The following EPS8L1 variants were observed in gnomAD, a reference collection of about 807,000 sequenced individuals.
EPS8L1 encodes the protein epidermal growth factor receptor kinase substrate 8-like protein 1.
In EPS8L1, 101 loss-of-function variants were observed where a neutral mutation model predicts 91.7. The ratio of observed to expected loss-of-function variants is 1.10; its 90% CI spans 0.94 to 1.30. EPS8L1 has a LOEUF of 1.30. Ranked by LOEUF, EPS8L1 falls within the 50% of genes most tolerant of loss-of-function variation. The probability of loss-of-function intolerance (pLI) is 0.00; values close to 1 mark genes in which losing one functional copy is unlikely to be tolerated. For missense variants in EPS8L1, 1,114 were observed against 1,017.0 expected (o/e 1.10, Z -1.30); for synonymous variants, 506 against 445.3 (o/e 1.14, Z -1.72).
At chr19:55,085,795 T>A (rs1313239905) in intron 14 of EPS8L1, 46 bp from the exon 15 acceptor site, 1 of 1,587,624 alleles carries the variant, frequency 6.3e-7, no homozygotes, top group Non-Finnish European at 8.6e-7. Context: ...CCCAGAGCAA[T>A]GGGGCTGGCT....
At chr19:55,086,637 C>CCCCCCCCCCCCCCCCGGG in intron 17 of EPS8L1, 77 bp from the exon 18 acceptor site, 2 of 1,374,364 alleles carry the variant, frequency 1.5e-6, no homozygotes, top group Non-Finnish European at 1.0e-6. Context: ...GCTGGAGCGC[C>CCCCCCCCCCCCCCCCGGG]CCCCCGCCCC....
intron 12 of EPS8L1, 95 bp downstream of exon 12, chr19:55,082,697 G>C: frequency 8.2e-7 from 1 of 1,220,100 alleles, no homozygotes; most frequent in Non-Finnish European, 1.1e-6. Flanking sequence ...ATAGGACTAG[G>C]AGAGTAGGGA....
In EPS8L1 at chr19:55,083,673, G is replaced by A; in HGVS notation, c.1385+29G>A. ...AGTGTCCGCCCCAGGGCAGGGCAAG[G>A]GGGTCAAGGAGGGGTGCGTCCCGGG... On this transcript the variant is annotated intron_variant, in intron 14 of 19. Coordinates refer to ENST00000201647, the MANE Select transcript of EPS8L1 (RefSeq NM_133180.3). This position sits in a 1 kb window ranked among gnomAD's most constrained non-coding sequence, Gnocchi z 4.7. The A allele has an allele frequency of 2.5e-6, 4 of 1,584,664 alleles. No homozygotes were observed. The South Asian group carries it at 3.4e-5, about 14-fold the overall frequency.
At position 55,086,823 on chromosome 19, in the gene EPS8L1, G is replaced by C. The variant is rs756431080; in HGVS notation, c.1887G>C (p.Gln629His). ...CAGGGCCCCGCGCCCCGGAACCGCAGCTCAGCCCGGGCTCGGACGCCTCCG... is the reference window on the plus strand; with the variant it reads ...CAGGGCCCCGCGCCCCGGAACCGCACCTCAGCCCGGGCTCGGACGCCTCCG... ...AVPGPRAPEP[Q>H]LSPGSDASEV... The change falls in exon 18 of 20, where the codon CAG becomes CAC. Residue 629 changes from glutamine (Q) to histidine (H), a missense_variant. By Grantham distance (24) the Gln-to-His change is conservative. Transcript: ENST00000201647. 6.4e-7 allele frequency: 1 copy of C among 1,568,096 alleles called. No individual in the cohort carries two copies. The highest frequency in any genetic ancestry group is 1.4e-5 in the African/African-American group (1 of 73,416).
Position 55,081,709 on chromosome 19 carries a change from G to A in EPS8L1, c.775-64G>A, listed in dbSNP as rs540240886. The A allele has an allele frequency of 6.4e-7, 1 of 1,552,008 alleles. No individual in the cohort carries two copies. The highest frequency in any genetic ancestry group is 1.9e-5 in the Admixed American group (1 of 51,634). ...GGAAGTGTATAGGTGCTCAGGTTCA[G>A]GGCTTCGACGGGGATGGTTTTGGAA... On this transcript the variant is annotated intron_variant, in intron 8 of 19. Transcript: ENST00000201647. The surrounding 1 kb of genome is among the most constrained non-coding windows in gnomAD (Gnocchi z 4.9).
chr19:55,082,724 C>A, intron 12 of EPS8L1, 122 bp downstream of exon 12: 1 of 941,580 alleles, frequency 1.1e-6, no homozygotes, highest in South Asian at 1.7e-5. Context: ...AGAGGCGTGG[C>A]TTAGTTGTGT....
chr19:55,086,215 A>T (rs749297956), intron 16 of EPS8L1, 23 bp downstream of exon 16: 6 of 1,593,360 alleles, frequency 3.8e-6, no homozygotes, highest in Non-Finnish European at 5.1e-6. Flanking sequence ...AGACGCTGGG[A>T]TCTTGAGGGT....
In EPS8L1 at chr19:55,087,835, AAAGCGC is replaced by A; in HGVS notation, c.*222_*227del. The A allele has an allele frequency of 1.8e-6, 1 of 557,654 alleles. No homozygotes were observed. Among genetic ancestry groups the A allele is most frequent in the Non-Finnish European group, 3.2e-6 (1 of 309,568 alleles). The allele number at this position is 557,654 out of a possible 1,614,324, so 34.5% of individuals were successfully genotyped here. On this transcript the variant is annotated 3_prime_UTR_variant, in exon 20 of 20. Coordinates refer to ENST00000201647, the MANE Select transcript of EPS8L1 (RefSeq NM_133180.3). ...GGGAGGGCGTGGAGACAGTCTACGG[AAAGCGC>A]TAGCAGACCCCCGAGAGGGTGCAGT... is the stretch of plus-strand genomic sequence containing the variant.
Position 55,086,806 on chromosome 19 carries a change from C to T in EPS8L1, c.1870C>T (p.Arg624Cys), listed in dbSNP as rs764242742. The T allele has an allele frequency of 5.0e-6, 8 of 1,594,282 alleles. No individual in the cohort carries two copies. The highest frequency in any genetic ancestry group is 1.3e-5 in the African/African-American group (1 of 74,302). The change falls in exon 18 of 20, where the codon CGC becomes TGC. Residue 624 changes from arginine (R) to cysteine (C), a missense_variant. Arg to Cys is a radical substitution (Grantham distance 180). Coordinates refer to ENST00000201647, the MANE Select transcript of EPS8L1 (RefSeq NM_133180.3). ...SGPSRAVPGP[R>C]APEPQLSPGS... Reference sequence around the variant, plus strand: ...ACCGAGCCGCGCAGTCCCAGGGCCCCGCGCCCCGGAACCGCAGCTCAGCCC... The same window carrying T: ...ACCGAGCCGCGCAGTCCCAGGGCCCTGCGCCCCGGAACCGCAGCTCAGCCC...
rs189060117 is a variant in EPS8L1, at chr19:55,080,733, G to A, written c.430-39G>A. 3,455 of 1,600,900 alleles carry A rather than the reference G, an allele frequency of 2.2e-3. 4 individuals are homozygous for A. The highest frequency in any genetic ancestry group is 2.6e-3 in the Non-Finnish European group (2,998 of 1,173,072). ...GGCGAGGCCCGGGTAGGAAGTGGGT[G>A]CGGCGTGGGGAGGCGTGGCCTGACG... On this transcript the variant is annotated intron_variant, in intron 6 of 19. Coordinates refer to ENST00000201647, the MANE Select transcript of EPS8L1 (RefSeq NM_133180.3).
At chr19:55,079,298 C>T (rs1274126500) in intron 4 of EPS8L1, among the ~76,000 whole-genome samples, 3 of 152,110 alleles carry the variant, frequency 2.0e-5, no homozygotes, top group Admixed American at 6.5e-5. Context: ...AGTGGGACCA[C>T]GGAGGCAAAT....
intron 19 of EPS8L1, 21 bp downstream of exon 19, chr19:55,087,456 C>T (rs1210624876): frequency 4.3e-6 from 7 of 1,614,166 alleles, no homozygotes; most frequent in Admixed American, 1.7e-5. Flanking sequence ...CCGCTGGTCC[C>T]TGGGTCTGGG....
intron 14 of EPS8L1, 198 bp from the exon 15 acceptor site, chr19:55,085,643 C>T (rs190446861): frequency 6.5e-5 from 38 of 582,952 alleles, no homozygotes; most frequent in African/African-American, 6.5e-4. Context: ...CTACATATGC[C>T]TACAGCACAA....
intron 2 of EPS8L1, among the ~76,000 whole-genome samples, chr19:55,077,362 G>A (rs1397071581): frequency 6.6e-6 from 1 of 152,084 alleles, no homozygotes; most frequent in Non-Finnish European, 1.5e-5. Flanking sequence ...CAGTTATTGA[G>A]GCTTCAAAAT....
intron 3 of EPS8L1, 43 bp downstream of exon 3, chr19:55,078,171 C>T (rs2076169717): frequency 6.3e-7 from 1 of 1,598,902 alleles, no homozygotes; most frequent in Non-Finnish European, 8.6e-7. Flanking sequence ...AGAACTGGGT[C>T]TAAAGAAACA....
rs1363038418 is a variant in EPS8L1 at position 55,082,120 on chromosome 19, G to A, written c.930G>A (p.Pro310=). The change falls in exon 10 of 20, where the codon CCG becomes CCA. Residue 310 remains proline (P), a synonymous_variant. Coordinates refer to ENST00000201647, the MANE Select transcript of EPS8L1 (RefSeq NM_133180.3). ...GCTTGCTGACGCTGCGGGCCAAGCC[G>A]CCCTCGGAGGCCGAGTACACCGACG... is the stretch of plus-strand genomic sequence containing the variant. ...GEGLLTLRAK[P]PSEAEYTDVL... is the part of the protein sequence containing the mutation. The A allele has an allele frequency of 6.2e-7, 1 of 1,601,598 alleles. No homozygotes were observed. The highest frequency in any genetic ancestry group is 1.1e-5 in the South Asian group (1 of 89,450).
Position 55,083,759 on chromosome 19 carries a change from C to CA in EPS8L1, c.1385+115_1385+116insA. 4.4e-6 allele frequency: 5 copies of CA among 1,124,560 alleles called. No homozygotes were observed. In the South Asian group the frequency reaches 6.4e-5, roughly 14 times the overall value. The allele number at this position is 1,124,560 out of a possible 1,614,324, so 69.7% of individuals were successfully genotyped here. On this transcript the variant is annotated intron_variant, in intron 14 of 19. Transcript: ENST00000201647. The surrounding 1 kb of genome is among the most constrained non-coding windows in gnomAD (Gnocchi z 4.7). ...TGTTTTTCCTTCTGTCTTCCTGGCT[C>CA]TTCTCAGGTGGGTGAGATGGTGATG... is the stretch of plus-strand genomic sequence containing the variant.
Position 55,087,315 on chromosome 19 carries a change from G to C in EPS8L1, c.1965G>C (p.Ala655=), listed in dbSNP as rs1332376558. 3 of 1,607,908 alleles carry C rather than the reference G, an allele frequency of 1.9e-6. No individual in the cohort carries two copies. In the East Asian group the frequency reaches 6.7e-5, roughly 36 times the overall value. ...AKGFSSGTVD[A]LGVLTGAQLF... is the part of the protein sequence containing the mutation. Reference sequence around the variant, plus strand: ...TGCCCTCGCTCAGGACCGTGGACGCGCTGGGTGTGCTGACCGGGGCGCAGC... The same window carrying C: ...TGCCCTCGCTCAGGACCGTGGACGCCCTGGGTGTGCTGACCGGGGCGCAGC... Residue 655 remains alanine, a synonymous_variant, in exon 19 of 20, where the codon GCG becomes GCC. Transcript: ENST00000201647.
chr19:55,087,566 G>A lies in EPS8L1; in HGVS notation c.2124G>A (p.Glu708=), dbSNP rs1602959381. The A allele has an allele frequency of 1.9e-6, 3 of 1,614,086 alleles. No homozygotes were observed. The highest frequency in any genetic ancestry group is 1.3e-5 in the African/African-American group (1 of 74,938). The change falls in exon 20 of 20, where the codon GAG becomes GAA. Residue 708 remains glutamate (E), a synonymous_variant. Transcript: ENST00000201647. ...TGTCAGAGCTGGAGGCAGTGATGGA[G>A]AAGCAAAAGAAGAAGGTGGAAGGCG... ...EKVSELEAVM[E]KQKKKVEGEV...
Sources: allele counts gnomAD v4.1 joint callset (sites outside exome capture counted in the v4.1 genomes callset), GRCh38; gene constraint gnomAD v4.1.1; non-coding constraint Gnocchi (gnomAD v3.1); transcripts MANE v1.5; gene names NCBI Gene and HGNC (gene_info 2026-07-23, HGNC 2026-07-21).